The following UMODL1 variants were observed in gnomAD, a reference collection of about 807,000 sequenced individuals.
UMODL1 encodes uromodulin like 1.
Under a neutral mutation model 136.3 loss-of-function variants are expected in UMODL1, and 128 were observed. That is an observed-to-expected ratio of 0.94 (90% CI 0.81 to 1.09). The LOEUF (loss-of-function observed/expected upper bound fraction) is 1.09, where lower values mean the gene tolerates loss of function less well. Among genes scored for constraint, UMODL1 ranks in the 50% least tolerant of loss-of-function variants. The probability of loss-of-function intolerance (pLI) is 0.00; values close to 1 mark genes in which losing one functional copy is unlikely to be tolerated. For synonymous variants in UMODL1, 721 were observed against 720.0 expected, an observed-to-expected ratio of 1.00 and a Z score of -0.02; for missense variants, 1,766 against 1,725.6, an observed-to-expected ratio of 1.02 and a Z score of -0.41.
At chr21:42,121,633 T>A (rs1396601625) in intron 16 of UMODL1, among the ~76,000 whole-genome samples, 1 of 152,240 alleles carries the variant, frequency 6.6e-6, no homozygotes, top group Non-Finnish European at 1.5e-5. Flanking sequence ...GCTCTTTTCC[T>A]GCTAAACGGG....
chr21:42,075,197 C>T (rs1468895450), intron 1 of UMODL1, among the ~76,000 whole-genome samples: 1 of 151,996 alleles, frequency 6.6e-6, no homozygotes, highest in Non-Finnish European at 1.5e-5. Flanking sequence ...CCACCGCGCC[C>T]AGCCCACACC....
At chr21:42,141,967 C>T (rs992586558) in intron 22 of UMODL1, 129 bp from the exon 23 acceptor site, 3 of 152,294 alleles carry the variant, frequency 2.0e-5, no homozygotes, top group Non-Finnish European at 4.4e-5. Flanking sequence ...ATCTGTCCCT[C>T]TCCAGTAAAC....
At position 42,098,983 on chromosome 21, in the gene UMODL1, T is replaced by G. The variant is rs201091884; in HGVS notation, c.989T>G (p.Val330Gly). Reference sequence around the variant, plus strand: ...AACGTCACCAGTGACAGTTTTCAAGTATCCTGGCGTTTAAATTCTACACAG... The same window carrying G: ...AACGTCACCAGTGACAGTTTTCAAGGATCCTGGCGTTTAAATTCTACACAG... ...VLNVTSDSFQ[V>G]SWRLNSTQNH... is the part of the protein sequence containing the mutation. The change falls in exon 7 of 23, where the codon GTA becomes GGA. Residue 330 changes from valine to glycine, a missense_variant. By Grantham distance (109) the Val-to-Gly change is moderately radical. Transcript: ENST00000408910. 13 of 1,614,214 alleles carry G rather than the reference T, an allele frequency of 8.1e-6. No homozygotes were observed. Among genetic ancestry groups the G allele is most frequent in the Non-Finnish European group, 1.1e-5 (13 of 1,180,036 alleles).
chr21:42,106,137 C>T (rs2066713538), intron 9 of UMODL1, among the ~76,000 whole-genome samples: 1 of 152,188 alleles, frequency 6.6e-6, no homozygotes, highest in African/African-American at 2.4e-5. Flanking sequence ...GGCCCTGCCT[C>T]TGCACTCTTT....
chr21:42,068,533 C>T (rs528181428), upstream of UMODL1, among the ~76,000 whole-genome samples: 1 of 152,326 alleles, frequency 6.6e-6, no homozygotes, highest in East Asian at 1.9e-4. This position sits in a 1 kb window ranked among gnomAD's most constrained non-coding sequence, Gnocchi z 5.5. Context: ...CATTCTCCAT[C>T]ACAACCAGCT....
chr21:42,137,369 T>G, intron 21 of UMODL1, 70 bp from the exon 22 acceptor site: 1 of 1,570,722 alleles, frequency 6.4e-7, no homozygotes, highest in Admixed American at 1.7e-5. Context: ...CGGATCCGGG[T>G]GGAGGGCTTG....
chr21:42,122,241 C>A lies in UMODL1; in HGVS notation c.2828-590C>A, dbSNP rs943187716. Among the ~76,000 whole-genome samples, 1 of 152,144 alleles carries A rather than the reference C, an allele frequency of 6.6e-6. No individual in the cohort carries two copies. The highest frequency in any genetic ancestry group is 2.4e-5 in the African/African-American group (1 of 41,438). The stretch of plus-strand genomic sequence containing the variant: ...CTGGGGTCTGCTTCCATATAGACCA[C>A]CCCGAGAACAGGTGGGTGGATTGGA... On this transcript the variant is annotated intron_variant, in intron 16 of 22. Coordinates refer to ENST00000408910, the MANE Select transcript of UMODL1 (RefSeq NM_001004416.3). The surrounding 1 kb of genome is among the most constrained non-coding windows in gnomAD (Gnocchi z 4.3).
upstream of UMODL1, among the ~76,000 whole-genome samples, chr21:42,067,647 T>C (rs549944554): frequency 6.6e-6 from 1 of 152,214 alleles, no homozygotes; most frequent in Non-Finnish European, 1.5e-5. Context: ...ACTGCCCCCC[T>C]GGCCTTAGCT....
intron 1 of UMODL1, 100 bp downstream of exon 1, chr21:42,071,492 G>A: frequency 8.0e-7 from 1 of 1,246,652 alleles, no homozygotes; most frequent in South Asian, 2.1e-5. Flanking sequence ...GGCAGGCAAG[G>A]ACGCCTCTGC....
In UMODL1 at chr21:42,119,322, A is replaced by G. The variant is rs761948568; in HGVS notation, c.2687A>G (p.Gln896Arg). Residue 896 changes from glutamine to arginine, a missense_variant and splice_region_variant, in exon 15 of 23, where the codon CAG becomes CGG. Transcript: ENST00000408910. ...GTGATCAGAGGCGACACCTTCATAC[A>G]GGGTACGAGAGGCTGGGATGGAGCC... ...LEVIRGDTFI[Q>R]DYDECERKED... 6 of 1,613,310 alleles carry G rather than the reference A, an allele frequency of 3.7e-6. No homozygotes were observed. Among genetic ancestry groups the G allele is most frequent in the Non-Finnish European group, 5.1e-6 (6 of 1,179,834 alleles).
intron 1 of UMODL1, among the ~76,000 whole-genome samples, chr21:42,075,256 A>G (rs1172945269): frequency 6.7e-6 from 1 of 149,470 alleles, no homozygotes; most frequent in African/African-American, 2.5e-5. Flanking sequence ...GGGGGGTTTC[A>G]CCATGTTGGC....
intron 4 of UMODL1, among the ~76,000 whole-genome samples, chr21:42,087,891 C>G (rs1055064468): frequency 6.6e-6 from 1 of 152,258 alleles, no homozygotes. Flanking sequence ...TCTCTTCACA[C>G]TGTCTTCCCC....
chr21:42,110,893 C>T lies in UMODL1; in HGVS notation c.1671C>T (p.Ser557=). The change falls in exon 11 of 23, where the codon AGC becomes AGT. Residue 557 remains serine (S), a synonymous_variant. Coordinates refer to ENST00000408910, the MANE Select transcript of UMODL1 (RefSeq NM_001004416.3). ...GTGTCTTGGCAGGTGACCTGGTGAG[C>T]CCCATGGGCGGTGGACTGTCTGCGG... ...AGRACEGDLV[S]PMGGGLSAAT... 3 of 1,606,602 alleles carry T rather than the reference C, an allele frequency of 1.9e-6. No homozygotes were observed. Among genetic ancestry groups the T allele is most frequent in the Non-Finnish European group, 2.5e-6 (3 of 1,177,232 alleles).
chr21:42,106,633 GGTAC>G (rs1387612849), intron 9 of UMODL1, among the ~76,000 whole-genome samples: 1 of 152,226 alleles, frequency 6.6e-6, no homozygotes, highest in African/African-American at 2.4e-5. Context: ...TTCCCCAGGA[GGTAC>G]GTACCATGTG....
chr21:42,088,160 G>A (rs752034355), intron 4 of UMODL1, 134 bp from the exon 5 acceptor site: 1 of 882,840 alleles, frequency 1.1e-6, no homozygotes, highest in Non-Finnish European at 1.7e-6. Flanking sequence ...GATAAGTACT[G>A]TAGAGGTTCT....
intron 17 of UMODL1, among the ~76,000 whole-genome samples, chr21:42,125,847 G>A (rs938290252): frequency 2.0e-5 from 3 of 152,226 alleles, no homozygotes; most frequent in East Asian, 1.9e-4. Flanking sequence ...CCCACACAGC[G>A]GCAGCTCCAG....
At chr21:42,131,987 T>C (rs2067139955) in intron 21 of UMODL1, among the ~76,000 whole-genome samples, 1 of 152,224 alleles carries the variant, frequency 6.6e-6, no homozygotes, top group African/African-American at 2.4e-5. Flanking sequence ...CCTTCATTCA[T>C]TGATATCATA....
chr21:42,075,849 G>A (rs1174346023), intron 1 of UMODL1, among the ~76,000 whole-genome samples, 156 bp from the exon 2 acceptor site: 1 of 152,284 alleles, frequency 6.6e-6, no homozygotes, highest in Non-Finnish European at 1.5e-5. Flanking sequence ...GCAGGCAAAG[G>A]CCAGTGGAGA....
At chr21:42,094,780 A>G (rs998930512) in intron 6 of UMODL1, among the ~76,000 whole-genome samples, 4 of 152,130 alleles carry the variant, frequency 2.6e-5, no homozygotes, top group Non-Finnish European at 2.9e-5. Context: ...TTACAACACA[A>G]AGAAAACTCT....
Sources: gnomAD v4.1 joint callset for allele counts (sites outside exome capture counted in the v4.1 genomes callset) on GRCh38, gnomAD v4.1.1 for gene constraint, Gnocchi (gnomAD v3.1) non-coding constraint, MANE v1.5 for transcripts, NCBI Gene and HGNC (gene_info 2026-07-23, HGNC 2026-07-21) for gene names.